The following ZNF827 variants were observed in gnomAD, a reference collection of about 807,000 sequenced individuals.
The protein encoded by ZNF827 is zinc finger protein 827.
A neutral mutation model predicts 102.4 loss-of-function variants in ZNF827; 13 were observed. The observed-to-expected ratio is 0.13, with a 90% CI of 0.08 to 0.20. ZNF827 has a LOEUF of 0.20. Ranked by LOEUF, ZNF827 falls within the 10% of genes least tolerant of loss-of-function variation. ZNF827 has a pLI of 1.00. For synonymous variants in ZNF827, 523 were observed against 536.2 expected (o/e 0.98, Z 0.34); for missense variants, 1,103 against 1,344.4 (o/e 0.82, Z 2.81).
chr4:145,911,493 A>G (rs1214182321), intron 1 of ZNF827, among the ~76,000 whole-genome samples: 1 of 152,266 alleles, frequency 6.6e-6, no homozygotes, highest in East Asian at 1.9e-4. Context: ...AGAAAACAGT[A>G]CTAGACCTAT....
intron 5 of ZNF827, among the ~76,000 whole-genome samples, chr4:145,861,753 C>A (rs1283334041): frequency 6.6e-6 from 1 of 152,174 alleles, no homozygotes; most frequent in Non-Finnish European, 1.5e-5. Context: ...CCCTCCCTGC[C>A]CTAGTCCTGA....
intron 5 of ZNF827, among the ~76,000 whole-genome samples, chr4:145,850,952 G>A (rs1455919429): frequency 2.0e-5 from 3 of 152,162 alleles, no homozygotes; most frequent in Non-Finnish European, 4.4e-5. Context: ...AATCATCCTG[G>A]ATTATCTAGG....
chr4:145,883,614 G>A (rs1355265348), intron 4 of ZNF827, among the ~76,000 whole-genome samples: 1 of 152,152 alleles, frequency 6.6e-6, no homozygotes, highest in Non-Finnish European at 1.5e-5. Context: ...ATACACAAGT[G>A]TTTTATCCAA....
At chr4:145,864,820 A>G (rs1379266398) in intron 5 of ZNF827, among the ~76,000 whole-genome samples, 4 of 152,304 alleles carry the variant, frequency 2.6e-5, no homozygotes, top group Non-Finnish European at 5.9e-5. Flanking sequence ...TTGGCCTCAC[A>G]TCGTCTCTAC....
chr4:145,872,859 A>G (rs1171280056), intron 4 of ZNF827, among the ~76,000 whole-genome samples: 1 of 151,124 alleles, frequency 6.6e-6, no homozygotes, highest in Non-Finnish European at 1.5e-5. Context: ...TGGGTGACGG[A>G]GCGAGATTCT....
At chr4:145,892,188 C>CA in intron 3 of ZNF827, 55 bp downstream of exon 3, 3 of 1,549,024 alleles carry the variant, frequency 1.9e-6, no homozygotes, top group Non-Finnish European at 2.6e-6. Flanking sequence ...AGACCATGTA[C>CA]AGAAGCCCTG....
At chr4:145,877,047 T>C (rs1749205756) in intron 4 of ZNF827, among the ~76,000 whole-genome samples, 2 of 152,186 alleles carry the variant, frequency 1.3e-5, no homozygotes, top group African/African-American at 4.8e-5. Context: ...AGCAACTTTT[T>C]TTCCCCCTAA....
Position 145,760,858 on chromosome 4 carries a change from G to A in ZNF827, c.*758C>T. 8.2e-7 allele frequency: 1 copy of A among 1,216,322 alleles called. No individual in the cohort carries two copies. Among genetic ancestry groups the A allele is most frequent in the Non-Finnish European group, 1.0e-6 (1 of 954,258 alleles). The allele number at this position is 1,216,322 out of a possible 1,614,324, so 75.3% of individuals were successfully genotyped here. On this transcript the variant is annotated 3_prime_UTR_variant, in exon 15 of 15. Transcript: ENST00000508784. Reference sequence around the variant, plus strand: ...GGGTGAGGGGATGCTGGGAGGCGCAGTCTGAGGTCGGGGAGGGTGGAATGT... The same window carrying A: ...GGGTGAGGGGATGCTGGGAGGCGCAATCTGAGGTCGGGGAGGGTGGAATGT...
At chr4:145,915,235 G>GT (rs1752584822) in intron 1 of ZNF827, among the ~76,000 whole-genome samples, 1 of 152,112 alleles carries the variant, frequency 6.6e-6, no homozygotes, top group South Asian at 2.1e-4. Context: ...ATCACCTGAG[G>GT]TTGGGCGTTC....
rs1752258473 is a variant in ZNF827 at position 145,911,135 on chromosome 4, C to G, written c.44-7920G>C. On this transcript the variant is annotated intron_variant, in intron 1 of 14. Transcript: ENST00000508784. ...TTTCTCATGTGAGTCAAACATGGAACAGGGAAAAAGCCTGTTTTGCAAACT... is the reference window on the plus strand; with the variant it reads ...TTTCTCATGTGAGTCAAACATGGAAGAGGGAAAAAGCCTGTTTTGCAAACT... 3.9e-5 allele frequency among the ~76,000 whole-genome samples: 6 copies of G among 152,184 alleles called. 1 individual carries two copies. In the South Asian group the frequency reaches 1.2e-3, roughly 32 times the overall value.
intron 11 of ZNF827, among the ~76,000 whole-genome samples, chr4:145,767,816 A>G (rs1461950918): frequency 6.6e-6 from 1 of 152,222 alleles, no homozygotes; most frequent in African/African-American, 2.4e-5. Flanking sequence ...AAAACAAATG[A>G]AGGAATTCAT....
chr4:145,787,164 T>C (rs1738972189), intron 8 of ZNF827, among the ~76,000 whole-genome samples: 1 of 152,172 alleles, frequency 6.6e-6, no homozygotes, highest in East Asian at 1.9e-4. Context: ...GATAGAAGAA[T>C]TGAGAAATAG....
chr4:145,847,873 A>C (rs1746139589), intron 6 of ZNF827, among the ~76,000 whole-genome samples: 2 of 152,232 alleles, frequency 1.3e-5, no homozygotes, highest in Non-Finnish European at 2.9e-5. Context: ...CACTGCATGC[A>C]TGTGTGCATG....
chr4:145,885,997 T>A lies in ZNF827; in HGVS notation c.1428A>T (p.Gly476=), dbSNP rs1750087680. ...KEEIPDPDVK[G]SPHLSDSACL... is the part of the protein sequence containing the mutation. The stretch of plus-strand genomic sequence containing the variant: ...AGGCACTGTCACTGAGGTGGGGAGA[T>A]CCCTTGACATCTGGGTCTGGGATCT... The change falls in exon 4 of 15, where the codon GGA becomes GGT. Residue 476 remains glycine (G), a synonymous_variant. Transcript: ENST00000508784. 6.2e-7 allele frequency: 1 copy of A among 1,614,044 alleles called. No homozygotes were observed. Among genetic ancestry groups the A allele is most frequent in the East Asian group, 2.2e-5 (1 of 44,864 alleles).
At chr4:145,898,352 C>T (rs572647248) in intron 2 of ZNF827, among the ~76,000 whole-genome samples, 2 of 152,260 alleles carry the variant, frequency 1.3e-5, no homozygotes, top group South Asian at 2.1e-4. Flanking sequence ...ACCAGGTTTG[C>T]TTCTAAGAAT....
chr4:145,818,417 T>TA (rs1742806712), intron 8 of ZNF827, among the ~76,000 whole-genome samples: 1 of 152,198 alleles, frequency 6.6e-6, no homozygotes, highest in African/African-American at 2.4e-5. Flanking sequence ...TTTCCAGAAT[T>TA]AAAAATGAGA....
At chr4:145,834,442 G>A (rs549313966) in intron 7 of ZNF827, among the ~76,000 whole-genome samples, 213 of 152,184 alleles carry the variant, frequency 1.4e-3, no homozygotes, top group African/African-American at 4.8e-3. Context: ...GGCCGAGCTA[G>A]GTCCCAATTC....
chr4:145,832,881 AC>A (rs1744376891), intron 7 of ZNF827: 1 of 152,068 alleles, frequency 6.6e-6, no homozygotes, highest in Admixed American at 6.6e-5. Context: ...ATCCTATAAA[AC>A]GGCCCCACCC....
intron 5 of ZNF827, among the ~76,000 whole-genome samples, chr4:145,868,464 C>A (rs1748402168): frequency 6.6e-6 from 1 of 152,180 alleles, no homozygotes; most frequent in Admixed American, 6.5e-5. Context: ...GTCATCCATT[C>A]AACTATTGCT....
Sources: gnomAD v4.1 joint callset for allele counts (sites outside exome capture counted in the v4.1 genomes callset) on GRCh38, gnomAD v4.1.1 for gene constraint, MANE v1.5 for transcripts, NCBI Gene and HGNC (gene_info 2026-07-23, HGNC 2026-07-21) for gene names.